Variants in PATJ observed in about 807,000 individuals in gnomAD.
PATJ encodes the protein inaD-like protein.
Under a neutral mutation model 224.9 loss-of-function variants are expected in PATJ, and 190 were observed. The observed-to-expected ratio is 0.84, with a 90% CI of 0.75 to 0.95. The LOEUF is 0.95. Ranked by LOEUF, PATJ falls within the 40% of genes least tolerant of loss-of-function variation. The pLI, the probability that PATJ is intolerant of heterozygous loss-of-function variation, is 0.00. For synonymous variants in PATJ, 769 were observed against 820.3 expected (o/e 0.94, Z 1.07); for missense variants, 2,121 against 2,270.3 (o/e 0.93, Z 1.34).
intron 27 of PATJ, 56 bp from the exon 28 acceptor site, chr1:61,990,112 T>A: frequency 8.0e-7 from 1 of 1,246,764 alleles, no homozygotes; most frequent in Non-Finnish European, 1.1e-6. Context: ...AATGCTGACA[T>A]CTCAATAATA....
chr1:61,757,121 G>A lies in PATJ; in HGVS notation c.-35-5737G>A, dbSNP rs1197525666. Among the ~76,000 whole-genome samples the A allele has an allele frequency of 2.7e-5, 4 of 147,960 alleles. No homozygotes were observed. In the Admixed American group the frequency reaches 2.8e-4, roughly 10 times the overall value. On this transcript the variant is annotated intron_variant, in intron 1 of 43. Coordinates refer to ENST00000642238, the MANE Select transcript of PATJ (RefSeq NM_001350145.3). ...TTGATCTTGCTCTGTTGCCAGACTG[G>A]GGTGCAGTAGTGCAATCATGGTTCA...
intron 25 of PATJ, among the ~76,000 whole-genome samples, chr1:61,910,233 G>T (rs1435308889): frequency 6.6e-6 from 1 of 152,182 alleles, no homozygotes; most frequent in African/African-American, 2.4e-5. Flanking sequence ...TGAATGACCT[G>T]CCAAAAAGGC....
chr1:61,766,249 C>G (rs1557603615), intron 3 of PATJ, 30 bp from the exon 4 acceptor site: 1 of 939,026 alleles, frequency 1.1e-6, no homozygotes. Context: ...CTATAGATTT[C>G]TGTTGATTCT....
At chr1:61,914,285 A>T (rs1673102065) in intron 25 of PATJ, among the ~76,000 whole-genome samples, 1 of 152,054 alleles carries the variant, frequency 6.6e-6, no homozygotes, top group Non-Finnish European at 1.5e-5. Context: ...GTGAAATTCC[A>T]TCTCTACTAA....
chr1:62,098,772 T>C (rs1558164992), intron 33 of PATJ, among the ~76,000 whole-genome samples: 1 of 152,152 alleles, frequency 6.6e-6, no homozygotes. Context: ...AAAATCACAT[T>C]CTAGTTGAAT....
chr1:61,755,904 C>T (rs1022396189), intron 1 of PATJ, among the ~76,000 whole-genome samples: 8 of 151,920 alleles, frequency 5.3e-5, no homozygotes, highest in Admixed American at 2.6e-4. Flanking sequence ...TGGGTTCAAG[C>T]GATTCTCCTG....
chr1:62,020,126 C>T (rs935598805), intron 29 of PATJ, among the ~76,000 whole-genome samples: 5 of 151,874 alleles, frequency 3.3e-5, no homozygotes, highest in Non-Finnish European at 7.4e-5. Context: ...GCCATGATCA[C>T]GCCACTGCAC....
At chr1:61,829,353 T>C (rs1332035414) in intron 16 of PATJ, among the ~76,000 whole-genome samples, 2 of 152,244 alleles carry the variant, frequency 1.3e-5, no homozygotes, top group Non-Finnish European at 2.9e-5. Flanking sequence ...TGCCACACTT[T>C]TGTGACTTTT....
rs778666831 is a variant in PATJ at position 61,864,384 on chromosome 1, G to A, written c.2586G>A (p.Gln862=). ...EMHEFLTPRL[Q]EMDEEREILV... is the part of the protein sequence containing the mutation. ...ATGAATTTCTGACTCCTAGATTGCA[G>A]GAAATGGATGAAGAAAGAGAAATTC... Residue 862 remains glutamine, a synonymous_variant, in exon 20 of 44, where the codon CAG becomes CAA. Coordinates refer to ENST00000642238, the MANE Select transcript of PATJ (RefSeq NM_001350145.3). The A allele has an allele frequency of 1.2e-6, 2 of 1,614,034 alleles. No homozygotes were observed. The highest frequency in any genetic ancestry group is 1.7e-6 in the Non-Finnish European group (2 of 1,179,908).
intron 16 of PATJ, among the ~76,000 whole-genome samples, chr1:61,828,581 AG>A (rs1658743929): frequency 6.6e-6 from 1 of 151,694 alleles, no homozygotes; most frequent in Non-Finnish European, 1.5e-5. Context: ...TCGTACAGTC[AG>A]GGTCTTGCCG....
chr1:62,105,349 T>C (rs746486821), intron 33 of PATJ, among the ~76,000 whole-genome samples: 2 of 152,194 alleles, frequency 1.3e-5, no homozygotes, highest in Admixed American at 6.5e-5. Context: ...GTAAAAGCCA[T>C]GCATAGTCCG....
chr1:61,762,189 C>G (rs954129331), intron 1 of PATJ, among the ~76,000 whole-genome samples: 16 of 152,142 alleles, frequency 1.1e-4, no homozygotes, highest in Admixed American at 7.9e-4. Flanking sequence ...AGTCAGTTCC[C>G]TATGACCCTG....
intron 27 of PATJ, among the ~76,000 whole-genome samples, chr1:61,932,308 C>T (rs942114958): frequency 6.6e-5 from 10 of 152,158 alleles, no homozygotes; most frequent in African/African-American, 2.4e-4. Flanking sequence ...AAAACCGAAA[C>T]CACTGATCGA....
chr1:61,860,830 A>G (rs1404060748), intron 18 of PATJ, among the ~76,000 whole-genome samples: 1 of 150,264 alleles, frequency 6.7e-6, no homozygotes, highest in Non-Finnish European at 1.5e-5. Flanking sequence ...CTCTGTCTCA[A>G]TTTAAAAAAA....
chr1:61,764,346 G>C (rs948199953), intron 3 of PATJ, among the ~76,000 whole-genome samples: 3 of 151,658 alleles, frequency 2.0e-5, no homozygotes, highest in Admixed American at 2.0e-4. Context: ...GATTCTTCAG[G>C]CTCTAATACA....
chr1:62,029,268 T>C (rs1409668690), intron 29 of PATJ, among the ~76,000 whole-genome samples: 2 of 152,234 alleles, frequency 1.3e-5, no homozygotes, highest in East Asian at 1.9e-4. Flanking sequence ...CATATCCTGA[T>C]GAAGTGATGG....
Position 61,911,807 on chromosome 1 carries a change from G to A in PATJ, c.3493-2780G>A, listed in dbSNP as rs147301700. ...TCTTCAGGACAAGGAACACATGCCT[G>A]TAAACCCCACCAGTCTTTGAAATCT... is the stretch of plus-strand genomic sequence containing the variant. On this transcript the variant is annotated intron_variant, in intron 25 of 43. Coordinates refer to ENST00000642238, the MANE Select transcript of PATJ (RefSeq NM_001350145.3). Among the ~76,000 whole-genome samples the A allele has an allele frequency of 2.7e-3, 395 of 148,466 alleles. 3 individuals are homozygous for A. Among genetic ancestry groups the A allele is most frequent in the African/African-American group, 9.3e-3 (379 of 40,916 alleles).
chr1:62,110,503 A>C (rs960122063), intron 34 of PATJ, among the ~76,000 whole-genome samples: 1 of 152,192 alleles, frequency 6.6e-6, no homozygotes, highest in African/African-American at 2.4e-5. Context: ...CCTCATGTTA[A>C]GGTTAGAACA....
intron 31 of PATJ, among the ~76,000 whole-genome samples, chr1:62,077,344 A>G (rs534019361): frequency 2.0e-5 from 3 of 152,148 alleles, no homozygotes; most frequent in Non-Finnish European, 4.4e-5. Flanking sequence ...TCCTTTAAAA[A>G]TCACTGATAA....
Sources: allele counts gnomAD v4.1 joint callset (sites outside exome capture counted in the v4.1 genomes callset), GRCh38; gene constraint gnomAD v4.1.1; transcripts MANE v1.5; gene names NCBI Gene and HGNC (gene_info 2026-07-23, HGNC 2026-07-21).